Variants in PARN observed in about 807,000 individuals in gnomAD.
PARN encodes poly(A)-specific ribonuclease PARN.
PARN carries 71 observed loss-of-function variants against 102.8 expected under a neutral mutation model. The observed-to-expected ratio is 0.69, with a 90% CI of 0.57 to 0.84. PARN has a LOEUF of 0.84. Among genes scored for constraint, PARN ranks in the 40% least tolerant of loss-of-function variants. The pLI, the probability that PARN is intolerant of heterozygous loss-of-function variation, is 0.00. For synonymous variants in PARN, 261 were observed against 252.9 expected, an observed-to-expected ratio of 1.03 and a Z score of -0.30; for missense variants, 782 against 760.9, an observed-to-expected ratio of 1.03 and a Z score of -0.33.
In PARN at chr16:14,498,867, C is replaced by T. The variant is rs539393581; in HGVS notation, c.1481-16040G>A. On this transcript the variant is annotated intron_variant, in intron 21 of 23. Coordinates refer to ENST00000437198, the MANE Select transcript of PARN (RefSeq NM_002582.4). ...ATTTTTATTTTCCACATCAATTTTA[C>T]GCTTTGCCTTGATGAGATGATGTGC... Among the ~76,000 whole-genome samples, 6 of 152,302 alleles carry T rather than the reference C, an allele frequency of 3.9e-5. No individual in the cohort carries two copies. The South Asian group carries it at 6.2e-4, about 16-fold the overall frequency.
intron 19 of PARN, among the ~76,000 whole-genome samples, chr16:14,554,782 T>G (rs896494674): frequency 6.6e-6 from 1 of 152,018 alleles, no homozygotes; most frequent in African/African-American, 2.4e-5. Context: ...CGCTGCTCTG[T>G]TCATGAAGTT....
chr16:14,626,998 T>G (rs553482396), intron 5 of PARN, 108 bp downstream of exon 5: 1 of 680,210 alleles, frequency 1.5e-6, no homozygotes, highest in Admixed American at 2.4e-5. Context: ...AAAGGTGAAA[T>G]GATTTGCCCC....
At chr16:14,463,266 C>T (rs910785028) in intron 22 of PARN, among the ~76,000 whole-genome samples, 2 of 151,932 alleles carry the variant, frequency 1.3e-5, no homozygotes, top group African/African-American at 2.4e-5. Context: ...AATATCTCAA[C>T]GACATACTGG....
intron 13 of PARN, 130 bp from the exon 14 acceptor site, chr16:14,586,491 A>T (rs1201887792): frequency 3.4e-6 from 2 of 585,638 alleles, no homozygotes; most frequent in Non-Finnish European, 6.2e-6. Flanking sequence ...TAAACTACAA[A>T]ACCCATTTCT....
chr16:14,548,817 G>C (rs1360670795), intron 21 of PARN, among the ~76,000 whole-genome samples: 1 of 152,120 alleles, frequency 6.6e-6, no homozygotes, highest in African/African-American at 2.4e-5. Context: ...TAGCCAGTGT[G>C]GTGGTGCATG....
intron 21 of PARN, among the ~76,000 whole-genome samples, chr16:14,483,507 T>C (rs1369192137): frequency 1.3e-5 from 2 of 152,302 alleles, no homozygotes; most frequent in Non-Finnish European, 1.5e-5. Context: ...TCTGCATCTA[T>C]TGGAGGTGCT....
chr16:14,457,654 C>T (rs541080932), intron 22 of PARN, among the ~76,000 whole-genome samples: 3 of 151,666 alleles, frequency 2.0e-5, no homozygotes, highest in Non-Finnish European at 2.9e-5. Flanking sequence ...AAAAAACAGC[C>T]GGGCATCATG....
At chr16:14,563,720 T>C (rs890755671) in intron 18 of PARN, among the ~76,000 whole-genome samples, 1 of 150,652 alleles carries the variant, frequency 6.6e-6, no homozygotes, top group Non-Finnish European at 1.5e-5. Flanking sequence ...TTTTTAGTTA[T>C]ACAATTATAT....
At chr16:14,592,655 C>T (rs1025350834) in intron 13 of PARN, among the ~76,000 whole-genome samples, 21 of 152,182 alleles carry the variant, frequency 1.4e-4, no homozygotes, top group South Asian at 4.1e-4. Flanking sequence ...GGACTGGACC[C>T]ACTTCAGCTG....
Position 14,525,406 on chromosome 16 carries a change from G to T in PARN, c.1480+26615C>A, listed in dbSNP as rs1245545599. 2.6e-5 allele frequency among the ~76,000 whole-genome samples: 4 copies of T among 152,276 alleles called. No homozygotes were observed. In the South Asian group the frequency reaches 8.3e-4, roughly 32 times the overall value. On this transcript the variant is annotated intron_variant, in intron 21 of 23. Transcript: ENST00000437198. ...GTCACAGAAGGGACAACCCTTCTATGATGGCAAGGCAGGGAACCCAATTAT... is the reference window on the plus strand; with the variant it reads ...GTCACAGAAGGGACAACCCTTCTATTATGGCAAGGCAGGGAACCCAATTAT...
chr16:14,508,479 T>C (rs940533870), intron 21 of PARN, among the ~76,000 whole-genome samples: 1 of 152,142 alleles, frequency 6.6e-6, no homozygotes, highest in African/African-American at 2.4e-5. Context: ...TTTTTGTTAT[T>C]ATAGTGACCT....
In PARN at chr16:14,630,217, C is replaced by G; in HGVS notation, c.-92G>C. On this transcript the variant is annotated 5_prime_UTR_variant, in exon 1 of 24. Coordinates refer to ENST00000437198, the MANE Select transcript of PARN (RefSeq NM_002582.4). Reference sequence around the variant, plus strand: ...AATTCCGCGGCGACTGCGGCAGTAGCTGAGGCAGCCGCAGCGGTGACGCCG... The same window carrying G: ...AATTCCGCGGCGACTGCGGCAGTAGGTGAGGCAGCCGCAGCGGTGACGCCG... 2 of 1,154,202 alleles carry G rather than the reference C, an allele frequency of 1.7e-6. No individual in the cohort carries two copies. The highest frequency in any genetic ancestry group is 2.3e-4 in the Middle Eastern group (1 of 4,316). 71.5% of individuals were successfully genotyped at this position (1,154,202 alleles called of 1,614,324 possible). A position where few individuals can be genotyped will look rare whatever the true frequency, so the allele number is the denominator to read the frequency against.
At chr16:14,508,155 A>G (rs1198916011) in intron 21 of PARN, among the ~76,000 whole-genome samples, 1 of 151,110 alleles carries the variant, frequency 6.6e-6, no homozygotes, top group Non-Finnish European at 1.5e-5. Context: ...TGGCAGGTCA[A>G]TAGACAAATA....
intron 12 of PARN, among the ~76,000 whole-genome samples, chr16:14,595,383 G>C (rs1970441075): frequency 6.6e-6 from 1 of 152,078 alleles, no homozygotes; most frequent in Admixed American, 6.6e-5. Context: ...TATTTATTTA[G>C]AGACAGGGTC....
intron 18 of PARN, among the ~76,000 whole-genome samples, chr16:14,573,968 C>T (rs1968964019): frequency 6.6e-6 from 1 of 152,118 alleles, no homozygotes; most frequent in Non-Finnish European, 1.5e-5. Context: ...GAGGGGGCTG[C>T]TGAAAAGCTA....
At chr16:14,548,676 C>T (rs756561833) in intron 21 of PARN, among the ~76,000 whole-genome samples, 4 of 152,096 alleles carry the variant, frequency 2.6e-5, no homozygotes, top group Non-Finnish European at 4.4e-5. Flanking sequence ...CATCAGAGGC[C>T]GGGTGCAGTG....
chr16:14,456,410 C>T (rs1961680744), intron 22 of PARN, among the ~76,000 whole-genome samples: 1 of 152,034 alleles, frequency 6.6e-6, no homozygotes, highest in Non-Finnish European at 1.5e-5. Flanking sequence ...CTGGGCTCAA[C>T]TGATCCTCCC....
chr16:14,516,357 A>G lies in PARN; in HGVS notation c.1481-33530T>C, dbSNP rs1965455148. On this transcript the variant is annotated intron_variant, in intron 21 of 23. Coordinates refer to ENST00000437198, the MANE Select transcript of PARN (RefSeq NM_002582.4). Reference sequence around the variant, plus strand: ...CAAGAAAACTTTGCTCAGATAACCAAAAAAGGCTCAATATTGCATGCTGAA... The same window carrying G: ...CAAGAAAACTTTGCTCAGATAACCAGAAAAGGCTCAATATTGCATGCTGAA... 2.6e-5 allele frequency among the ~76,000 whole-genome samples: 4 copies of G among 152,162 alleles called. No individual in the cohort carries two copies. The South Asian group carries it at 8.3e-4, about 32-fold the overall frequency.
intron 13 of PARN, among the ~76,000 whole-genome samples, chr16:14,587,958 C>T (rs1470431967): frequency 6.6e-6 from 1 of 152,220 alleles, no homozygotes; most frequent in African/African-American, 2.4e-5. Flanking sequence ...ATGTTACGCA[C>T]TTACACAACA....
Sources: allele counts gnomAD v4.1 joint callset (sites outside exome capture counted in the v4.1 genomes callset), GRCh38; gene constraint gnomAD v4.1.1; transcripts MANE v1.5; gene names NCBI Gene and HGNC (gene_info 2026-07-23, HGNC 2026-07-21).